EDNRA: variants seen among roughly 807,000 people sequenced by gnomAD.
The protein encoded by EDNRA is endothelin-1 receptor.
In EDNRA, 11 loss-of-function variants were observed where a neutral mutation model predicts 41.4. The ratio of observed to expected loss-of-function variants is 0.27; its 90% CI spans 0.17 to 0.44. EDNRA has a LOEUF of 0.44. Ranked by LOEUF, EDNRA falls within the 20% of genes least tolerant of loss-of-function variation. EDNRA has a pLI of 1.00. For synonymous variants in EDNRA, 172 were observed against 183.0 expected (o/e 0.94, Z 0.49); for missense variants, 294 against 531.0 (o/e 0.55, Z 4.39).
In EDNRA at chr4:147,532,639, C is replaced by T. The variant is rs1730789509; in HGVS notation, c.682C>T (p.Pro228Ser). The change falls in exon 4 of 8, where the codon CCC becomes TCC. Residue 228 changes from proline to serine, a missense_variant. Pro to Ser is a moderately conservative substitution (Grantham distance 74). Around this residue, in one of 3 missense-constraint regions of EDNRA, gnomAD observed 185 missense variants for 390.8 expected, o/e 0.47. Coordinates refer to ENST00000651419, the MANE Select transcript of EDNRA (RefSeq NM_001957.4). ...IPEAIGFVMVPFEYRGEQHKT... is the reference protein window; with the variant it reads ...IPEAIGFVMVSFEYRGEQHKT... ...TGAAGCGATTGGCTTCGTCATGGTACCCTTTGAATATAGGGGTGAACAGCA... is the reference window on the plus strand; with the variant it reads ...TGAAGCGATTGGCTTCGTCATGGTATCCTTTGAATATAGGGGTGAACAGCA... 1 of 1,614,004 alleles carries T rather than the reference C, an allele frequency of 6.2e-7. No homozygotes were observed. Among genetic ancestry groups the T allele is most frequent in the African/African-American group, 1.3e-5 (1 of 74,890 alleles).
At chr4:147,535,851 C>T (rs201259663) in intron 4 of EDNRA, 26 bp from the exon 5 acceptor site, 3 of 1,583,492 alleles carry the variant, frequency 1.9e-6, no homozygotes, top group Non-Finnish European at 2.6e-6. Flanking sequence ...TCCTCCTTTT[C>T]TCTTTTTTTT....
chr4:147,514,657 A>G (rs995312735), intron 2 of EDNRA, among the ~76,000 whole-genome samples: 14 of 152,016 alleles, frequency 9.2e-5, no homozygotes, highest in Admixed American at 2.0e-4. Flanking sequence ...TCTTTTTAGT[A>G]GAGACAGGGT....
chr4:147,503,719 G>A (rs1276535128), intron 2 of EDNRA, among the ~76,000 whole-genome samples: 3 of 152,046 alleles, frequency 2.0e-5, no homozygotes, highest in African/African-American at 7.2e-5. Flanking sequence ...GAGTTTCGTC[G>A]TCAAAACACA....
At chr4:147,492,959 T>C (rs556840882) in intron 2 of EDNRA, 4 of 152,220 alleles carry the variant, frequency 2.6e-5, no homozygotes, top group African/African-American at 9.6e-5. Context: ...TCATGTGAGG[T>C]TACTCTGCTA....
At chr4:147,487,414 A>G (rs549906380) in intron 2 of EDNRA, among the ~76,000 whole-genome samples, 2 of 152,378 alleles carry the variant, frequency 1.3e-5, no homozygotes, top group African/African-American at 4.8e-5. Flanking sequence ...TCTATGCCAG[A>G]TTTTATGAAA....
intron 5 of EDNRA, among the ~76,000 whole-genome samples, chr4:147,536,562 T>C (rs1260430960): frequency 6.6e-6 from 1 of 152,036 alleles, no homozygotes; most frequent in African/African-American, 2.4e-5. Flanking sequence ...GGGGAAGAAG[T>C]TGACAGAGAG....
At chr4:147,528,651 A>G (rs548993458) in intron 3 of EDNRA, among the ~76,000 whole-genome samples, 2 of 152,270 alleles carry the variant, frequency 1.3e-5, no homozygotes, top group South Asian at 4.1e-4. Context: ...TACATTCTAA[A>G]GGAGAGGGGA....
intron 2 of EDNRA, among the ~76,000 whole-genome samples, chr4:147,513,872 A>C (rs1198910776): frequency 6.6e-6 from 1 of 152,212 alleles, no homozygotes; most frequent in Non-Finnish European, 1.5e-5. Flanking sequence ...ACAAAGAAAA[A>C]TATGCCACTA....
intron 2 of EDNRA, among the ~76,000 whole-genome samples, chr4:147,501,940 T>C (rs756535139): frequency 1.3e-5 from 2 of 152,246 alleles, no homozygotes; most frequent in Non-Finnish European, 2.9e-5. Context: ...TTGTCCTCCA[T>C]AATAATTGTG....
At chr4:147,504,957 CA>C (rs57911108) in intron 2 of EDNRA, among the ~76,000 whole-genome samples, 1,480 of 39,018 alleles carry the variant, frequency 0.038, 37 homozygotes, top group African/African-American at 0.14. Context: ...GACCCTGTCT[CA>C]AAAAAAAAAA....
intron 3 of EDNRA, among the ~76,000 whole-genome samples, chr4:147,525,933 A>G (rs1301215344): frequency 2.0e-5 from 3 of 152,220 alleles, no homozygotes; most frequent in Non-Finnish European, 4.4e-5. Flanking sequence ...TCTCAAAGGT[A>G]TATCCTAACT....
intron 3 of EDNRA, chr4:147,531,649 CAAATAA>C (rs1730739856): frequency 1.3e-5 from 2 of 152,310 alleles, no homozygotes; most frequent in Admixed American, 1.3e-4. Context: ...TTCTCTAGAC[CAAATAA>C]AGACCTCAGA....
intron 4 of EDNRA, among the ~76,000 whole-genome samples, chr4:147,534,249 G>A (rs772296592): frequency 3.9e-5 from 6 of 152,174 alleles, no homozygotes; most frequent in Non-Finnish European, 8.8e-5. Flanking sequence ...GGGAGAATGG[G>A]TGCTCAAAGG....
chr4:147,495,600 G>A (rs191353913), intron 2 of EDNRA: 14 of 152,284 alleles, frequency 9.2e-5, no homozygotes, highest in African/African-American at 2.6e-4. Context: ...AAACTGAGAG[G>A]AAAGATTGAG....
Position 147,485,860 on chromosome 4 carries a change from C to G in EDNRA, c.179C>G (p.Pro60Arg). ...TTHQPTNLVLPSNGSMHNYCP... is the reference protein window; with the variant it reads ...TTHQPTNLVLRSNGSMHNYCP... ...CATCAACCCACTAATTTGGTCCTAC[C>G]CAGCAATGGCTCAATGCACAACTAT... Residue 60 changes from proline to arginine, a missense_variant, in exon 2 of 8, where the codon CCC (proline) becomes CGC (arginine). Physicochemically the swap from Pro to Arg is moderately radical, Grantham distance 103. Transcript: ENST00000651419. 2 of 1,614,218 alleles carry G rather than the reference C, an allele frequency of 1.2e-6. No homozygotes were observed. The highest frequency in any genetic ancestry group is 1.7e-6 in the Non-Finnish European group (2 of 1,180,036).
intron 2 of EDNRA, chr4:147,491,324 A>G (rs1184203299): frequency 2.0e-5 from 3 of 152,208 alleles, no homozygotes; most frequent in African/African-American, 7.2e-5. Flanking sequence ...AGCCTTTGAC[A>G]TCTTGTGCAA....
At chr4:147,490,937 G>A (rs776347515) in intron 2 of EDNRA, 4 of 152,168 alleles carry the variant, frequency 2.6e-5, no homozygotes, top group African/African-American at 9.7e-5. Context: ...GAGAGAGATG[G>A]AGTAAGGGAA....
rs1242740604 is a variant in EDNRA at position 147,505,326 on chromosome 4, CATTTTTT to C, written c.421-14524_421-14518del. On this transcript the variant is annotated intron_variant, in intron 2 of 7. Transcript: ENST00000651419. ...AAGAGAGTTTGGCAGTTTCTTTTTTCATTTTTTTTTTTTTTTTTTTTTTTTTTTTGGA... is the reference window on the plus strand; with the variant it reads ...AAGAGAGTTTGGCAGTTTCTTTTTTCTTTTTTTTTTTTTTTTTTTTTTGGA... Among the ~76,000 whole-genome samples the C allele has an allele frequency of 6.3e-4, 52 of 81,994 alleles. 1 individual carries two copies. The highest frequency in any genetic ancestry group is 4.0e-3 in the South Asian group (11 of 2,738). 53.8% of individuals were successfully genotyped at this position (81,994 alleles called of 152,430 possible).
chr4:147,518,755 A>G (rs951268598), intron 2 of EDNRA, among the ~76,000 whole-genome samples: 2 of 152,210 alleles, frequency 1.3e-5, no homozygotes, highest in African/African-American at 4.8e-5. Context: ...CTTTTCAAAA[A>G]AAAAAGAAAA....
Sources: allele counts gnomAD v4.1 joint callset (sites outside exome capture counted in the v4.1 genomes callset), GRCh38; gene constraint gnomAD v4.1.1; regional missense constraint gnomAD v4.1.1; transcripts MANE v1.5; gene names NCBI Gene and HGNC (gene_info 2026-07-23, HGNC 2026-07-21).